Variants in PAIP1 observed in about 807,000 individuals in gnomAD.
PAIP1 encodes poly(A) binding protein interacting protein 1, also known as polyadenylate-binding protein-interacting protein 1.
PAIP1 carries 16 observed loss-of-function variants against 61.3 expected under a neutral mutation model. That is an observed-to-expected ratio of 0.26 (90% CI 0.18 to 0.40). The LOEUF (loss-of-function observed/expected upper bound fraction) is 0.40, where lower values mean the gene tolerates loss of function less well. Among genes scored for constraint, PAIP1 ranks in the 10% least tolerant of loss-of-function variants. The pLI is 1.00. For synonymous variants in PAIP1, 187 were observed against 226.2 expected (o/e 0.83, Z 1.56); for missense variants, 416 against 600.9 (o/e 0.69, Z 3.22).
intron 10 of PAIP1, among the ~76,000 whole-genome samples, chr5:43,527,952 T>C (rs1746773233): frequency 1.3e-5 from 2 of 152,194 alleles, no homozygotes; most frequent in Admixed American, 1.3e-4. Context: ...ATGATGACAA[T>C]TTAGTCACAT....
rs763161379 is a variant in PAIP1, at chr5:43,534,897, T to C, written c.1153A>G (p.Thr385Ala). ...TTTTCTGGTGTTGCTTCTCTATATGTTGAAGTTGCATGGACTCTGCCCCAG... is the reference window on the plus strand; with the variant it reads ...TTTTCTGGTGTTGCTTCTCTATATGCTGAAGTTGCATGGACTCTGCCCCAG... ...SNWGRVHATSTYREATPENDP... is the reference protein window; with the variant it reads ...SNWGRVHATSAYREATPENDP... Residue 385 changes from threonine to alanine, a missense_variant, in exon 8 of 11, where the codon ACA becomes GCA. Around this residue, in one of 4 missense-constraint regions of PAIP1, gnomAD observed 135 missense variants for 283.9 expected, o/e 0.48. Coordinates refer to ENST00000306846, the MANE Select transcript of PAIP1 (RefSeq NM_006451.5). The C allele has an allele frequency of 3.1e-6, 5 of 1,605,288 alleles. No individual in the cohort carries two copies. The African/African-American group carries it at 4.0e-5, about 13-fold the overall frequency.
rs922298642 is a variant in PAIP1 at position 43,538,979 on chromosome 5, C to T, written c.791G>A (p.Arg264Gln). 20 of 1,611,652 alleles carry T rather than the reference C, an allele frequency of 1.2e-5. No homozygotes were observed. Among genetic ancestry groups the T allele is most frequent in the African/African-American group, 2.7e-5 (2 of 74,866 alleles). Residue 264 changes from arginine to glutamine, a missense_variant, in exon 5 of 11, where the codon CGA (arginine) becomes CAA (glutamine). Physicochemically the swap from Arg to Gln is conservative, Grantham distance 43. This residue lies in a region of PAIP1 where 135 missense variants were observed against 283.9 expected (regional missense o/e 0.48). Transcript: ENST00000306846. Reference sequence around the variant, plus strand: ...GAGTACAAATGCATGAAATCGTTTTCGAGTAACTTCATCCCCTTTTGCAGC... The same window carrying T: ...GAGTACAAATGCATGAAATCGTTTTTGAGTAACTTCATCCCCTTTTGCAGC... ...DQAAKGDEVT[R>Q]KRFHAFVLFL...
chr5:43,551,406 T>G (rs1364040368), intron 2 of PAIP1, among the ~76,000 whole-genome samples: 1 of 152,236 alleles, frequency 6.6e-6, no homozygotes, highest in Non-Finnish European at 1.5e-5. Flanking sequence ...TATAGCCATT[T>G]AAGAAAACAA....
chr5:43,550,567 T>C lies in PAIP1; in HGVS notation c.436-2654A>G, dbSNP rs1181087793. Among the ~76,000 whole-genome samples, 3 of 152,092 alleles carry C rather than the reference T, an allele frequency of 2.0e-5. 1 individual carries two copies. Among genetic ancestry groups the C allele is most frequent in the African/African-American group, 4.8e-5 (2 of 41,428 alleles). ...ATATGTGATAGACACCATAAGGGCT[T>C]TGCCTGCATCTTGTTTAACCTAGAA... is the stretch of plus-strand genomic sequence containing the variant. On this transcript the variant is annotated intron_variant, in intron 2 of 10. Transcript: ENST00000306846.
intron 10 of PAIP1, among the ~76,000 whole-genome samples, chr5:43,527,866 G>C (rs1746768871): frequency 6.6e-6 from 1 of 152,130 alleles, no homozygotes; most frequent in African/African-American, 2.4e-5. Context: ...TTCACCTCTA[G>C]TGATGCACTA....
At chr5:43,536,083 A>T (rs1370681629) in intron 6 of PAIP1, among the ~76,000 whole-genome samples, 1 of 152,186 alleles carries the variant, frequency 6.6e-6, no homozygotes, top group Non-Finnish European at 1.5e-5. Flanking sequence ...TGGCTAATAA[A>T]CATGAAGAAA....
intron 3 of PAIP1, among the ~76,000 whole-genome samples, chr5:43,544,656 A>G (rs1275777447): frequency 6.6e-6 from 1 of 152,192 alleles, no homozygotes; most frequent in East Asian, 1.9e-4. Flanking sequence ...AAATCCTCCA[A>G]AAACAGAAAA....
chr5:43,544,596 T>C (rs1451467259), intron 3 of PAIP1, among the ~76,000 whole-genome samples: 3 of 152,156 alleles, frequency 2.0e-5, no homozygotes. Flanking sequence ...AATTTTTCAG[T>C]TTAGATGTTA....
chr5:43,537,400 A>G (rs1280923459), intron 5 of PAIP1, among the ~76,000 whole-genome samples: 1 of 152,220 alleles, frequency 6.6e-6, no homozygotes, highest in Non-Finnish European at 1.5e-5. Flanking sequence ...TTATCTCCAT[A>G]TAGAAAATGC....
Position 43,556,746 on chromosome 5 carries a change from C to G in PAIP1, c.101G>C (p.Gly34Ala), listed in dbSNP as rs1748105145. The change falls in exon 1 of 11, where the codon GGA becomes GCA. Residue 34 changes from glycine (G) to alanine (A), a missense_variant. By Grantham distance (60) the Gly-to-Ala change is moderately conservative (BLOSUM62 0). Transcript: ENST00000306846. ...GGPEGGGFPN[G>A]AGPAERARHQ... ...CCGCGCCCGCTCAGCAGGCCCCGCT[C>G]CGTTCGGGAAACCGCCGCCCTCAGG... is the stretch of plus-strand genomic sequence containing the variant. 32 of 1,410,226 alleles carry G rather than the reference C, an allele frequency of 2.3e-5. No individual in the cohort carries two copies. Among genetic ancestry groups the G allele is most frequent in the Non-Finnish European group, 2.9e-5 (31 of 1,086,074 alleles). The allele number at this position is 1,410,226 out of a possible 1,614,324, so 87.4% of individuals were successfully genotyped here.
intron 3 of PAIP1, among the ~76,000 whole-genome samples, chr5:43,543,726 A>G (rs991982747): frequency 2.0e-5 from 3 of 152,108 alleles, no homozygotes; most frequent in Admixed American, 2.0e-4. Context: ...AGAAAACACT[A>G]CACATCAAAG....
chr5:43,545,780 T>C (rs143325573), intron 3 of PAIP1, among the ~76,000 whole-genome samples: 1 of 152,068 alleles, frequency 6.6e-6, no homozygotes, highest in Non-Finnish European at 1.5e-5. Context: ...TGTCATTTTT[T>C]TTTTTTTTGA....
intron 4 of PAIP1, among the ~76,000 whole-genome samples, chr5:43,542,533 CA>C (rs35220672): frequency 0.047 from 2,915 of 62,098 alleles, 22 homozygotes; most frequent in East Asian, 0.22. Context: ...GACTCCATCT[CA>C]AAAAAAAAAA....
At chr5:43,529,281 GTATAC>G (rs1256179894) in intron 10 of PAIP1, among the ~76,000 whole-genome samples, 5 of 152,104 alleles carry the variant, frequency 3.3e-5, no homozygotes, top group African/African-American at 1.2e-4. Flanking sequence ...TTATGCTTAA[GTATAC>G]TATATTTTAA....
rs34509892 is a variant in PAIP1 at position 43,539,452 on chromosome 5, T to TACACACAC, written c.735-425_735-418dup. Among the ~76,000 whole-genome samples, 488 of 148,672 alleles carry TACACACAC rather than the reference T, an allele frequency of 3.3e-3. 2 individuals are homozygous for TACACACAC. Among genetic ancestry groups the TACACACAC allele is most frequent in the African/African-American group, 0.012 (475 of 40,138 alleles). On this transcript the variant is annotated intron_variant, in intron 4 of 10. Transcript: ENST00000306846. ...TACAACTTTGAAAAGGATCTTTAAA[T>TACACACAC]ACACACACACACACACACACACACA...
intron 10 of PAIP1, among the ~76,000 whole-genome samples, chr5:43,528,683 A>G (rs1183640605): frequency 1.3e-5 from 2 of 152,202 alleles, no homozygotes; most frequent in Non-Finnish European, 2.9e-5. Context: ...CATAATTAAA[A>G]TATCACTAGA....
At position 43,536,957 on chromosome 5, in the gene PAIP1, A is replaced by G. The variant is rs778843409; in HGVS notation, c.847-13T>C. ...TTGTTCCCTTGATCTTTCGGGACCA[A>G]AAAAAAGAACAAAAGGAATGATGCC... is the stretch of plus-strand genomic sequence containing the variant. On this transcript the variant is annotated splice_polypyrimidine_tract_variant and intron_variant, in intron 5 of 10. Transcript: ENST00000306846. 1 of 1,555,174 alleles carries G rather than the reference A, an allele frequency of 6.4e-7. No individual in the cohort carries two copies. Among genetic ancestry groups the G allele is most frequent in the Non-Finnish European group, 8.7e-7 (1 of 1,154,902 alleles).
At chr5:43,554,476 T>A (rs1219275462) in intron 2 of PAIP1, among the ~76,000 whole-genome samples, 1 of 152,236 alleles carries the variant, frequency 6.6e-6, no homozygotes, top group Non-Finnish European at 1.5e-5. Context: ...TATCTTTTTC[T>A]TTCCAATCCC....
At chr5:43,535,249 G>C (rs1209217742) in intron 7 of PAIP1, among the ~76,000 whole-genome samples, 1 of 152,072 alleles carries the variant, frequency 6.6e-6, no homozygotes, top group African/African-American at 2.4e-5. Context: ...TTATTTGTTG[G>C]ACAGTTAATA....
Sources: allele counts gnomAD v4.1 joint callset (sites outside exome capture counted in the v4.1 genomes callset), GRCh38; gene constraint gnomAD v4.1.1; regional missense constraint gnomAD v4.1.1; transcripts MANE v1.5; gene names NCBI Gene and HGNC (gene_info 2026-07-23, HGNC 2026-07-21).